The following SMARCB1 variants were observed in gnomAD, a reference collection of about 807,000 sequenced individuals.
SMARCB1 encodes SWI/SNF related BAF chromatin remodeling complex subunit B1.
SMARCB1 carries 5 observed loss-of-function variants against 49.0 expected under a neutral mutation model. That is an observed-to-expected ratio of 0.10 (90% CI 0.05 to 0.21). The LOEUF (loss-of-function observed/expected upper bound fraction) is 0.21, where lower values mean the gene tolerates loss of function less well. Among genes scored for constraint, SMARCB1 ranks in the 10% least tolerant of loss-of-function variants. The pLI is 1.00. For synonymous variants in SMARCB1, 201 were observed against 200.1 expected, an observed-to-expected ratio of 1.00 and a Z score of -0.04; for missense variants, 226 against 509.2, an observed-to-expected ratio of 0.44 and a Z score of 5.35.
intron 8 of SMARCB1, 88 bp downstream of exon 8, chr22:23,833,791 A>G (rs533265942): frequency 1.8e-5 from 27 of 1,482,408 alleles, no homozygotes; most frequent in East Asian, 4.5e-5. Context: ...CCAGTCTCCC[A>G]TGGTCTCTGA....
chr22:23,824,336 C>T (rs1024394121), intron 6 of SMARCB1: 3 of 152,310 alleles, frequency 2.0e-5, no homozygotes, highest in Admixed American at 6.5e-5. Flanking sequence ...GGCAGGTGCA[C>T]TGTGACCTGG....
chr22:23,812,296 A>C (rs569749012), intron 5 of SMARCB1, among the ~76,000 whole-genome samples: 2 of 152,270 alleles, frequency 1.3e-5, no homozygotes, highest in Non-Finnish European at 2.9e-5. Context: ...TCTCTAATTA[A>C]ATTTTAATAT....
intron 7 of SMARCB1, among the ~76,000 whole-genome samples, chr22:23,830,419 T>A (rs2030592207): frequency 6.6e-6 from 1 of 152,210 alleles, no homozygotes; most frequent in Non-Finnish European, 1.5e-5. Flanking sequence ...TTGCATGTAT[T>A]TCTGGCTGTT....
chr22:23,787,375 G>T (rs1440621494), intron 1 of SMARCB1, 113 bp downstream of exon 1: 13 of 507,084 alleles, frequency 2.6e-5, no homozygotes, highest in Non-Finnish European at 3.6e-5. Context: ...GGGCGCGCGC[G>T]CGCGCGCTCG....
intron 7 of SMARCB1, among the ~76,000 whole-genome samples, chr22:23,831,510 G>A (rs2030655624): frequency 1.3e-5 from 2 of 152,162 alleles, no homozygotes; most frequent in African/African-American, 4.8e-5. Flanking sequence ...AGCACTCTTT[G>A]GAACTCAGGA....
Position 23,836,089 on chromosome 22 carries a change from G to A in SMARCB1, c.*1909G>A, listed in dbSNP as rs904864288. On this transcript the variant is annotated 3_prime_UTR_variant, in exon 9 of 9. Transcript: ENST00000644036. Reference sequence around the variant, plus strand: ...CAGAAGAGAAAAATGAGCCACAGGGGTCGGATAAGGCTCACACACGTCCTC... The same window carrying A: ...CAGAAGAGAAAAATGAGCCACAGGGATCGGATAAGGCTCACACACGTCCTC... 1 of 985,342 alleles carries A rather than the reference G, an allele frequency of 1.0e-6. No homozygotes were observed. Among genetic ancestry groups the A allele is most frequent in the Non-Finnish European group, 1.2e-6 (1 of 829,972 alleles). 61.0% of individuals were successfully genotyped at this position (985,342 alleles called of 1,614,324 possible). A position where few individuals can be genotyped will look rare whatever the true frequency, so the allele number is the denominator to read the frequency against.
intron 5 of SMARCB1, among the ~76,000 whole-genome samples, chr22:23,805,654 C>T (rs938003883): frequency 1.1e-4 from 16 of 152,074 alleles, no homozygotes; most frequent in Non-Finnish European, 1.8e-4. Context: ...TACAGGCATG[C>T]GCCACCATGC....
At position 23,789,586 on chromosome 22, in the gene SMARCB1, A is replaced by G. The variant is rs184646568; in HGVS notation, c.94-2170A>G. 2.6e-5 allele frequency among the ~76,000 whole-genome samples: 4 copies of G among 152,300 alleles called. No individual in the cohort carries two copies. The East Asian group carries it at 7.7e-4, about 29-fold the overall frequency. On this transcript the variant is annotated intron_variant, in intron 1 of 8. Transcript: ENST00000644036. ...CTAGATGGTCTCCAAGATCTTCCCC[A>G]AAACACATTTTAGTTTCTAGAAAGC...
At chr22:23,801,252 T>G in intron 4 of SMARCB1, 171 bp downstream of exon 4, 1 of 938,496 alleles carries the variant, frequency 1.1e-6, no homozygotes, top group Non-Finnish European at 1.7e-6. Context: ...TCCAGGACAT[T>G]GTCCATAGCC....
chr22:23,787,379 G>T lies in SMARCB1; in HGVS notation c.93+117G>T, dbSNP rs572937904. On this transcript the variant is annotated intron_variant, in intron 1 of 8. Transcript: ENST00000644036. ...TCGGGGCGGGCGGGCGCGCGCGCGC[G>T]CGCTCGGGGCTGTGGGGCGTGGCCT... 109 of 498,172 alleles carry T rather than the reference G, an allele frequency of 2.2e-4. No homozygotes were observed. The East Asian group carries it at 3.8e-3, about 17-fold the overall frequency. 30.9% of individuals were successfully genotyped at this position (498,172 alleles called of 1,614,324 possible).
Position 23,835,342 on chromosome 22 carries a change from C to T in SMARCB1, c.*1162C>T. On this transcript the variant is annotated 3_prime_UTR_variant, in exon 9 of 9. Coordinates refer to ENST00000644036, the MANE Select transcript of SMARCB1 (RefSeq NM_003073.5). The stretch of plus-strand genomic sequence containing the variant: ...AATGGGCACAGATCCGGGCACAGAT[C>T]CCAGCACAGACTGCTGCCACCCTCA... 1.0e-6 allele frequency: 1 copy of T among 999,226 alleles called. No individual in the cohort carries two copies. The highest frequency in any genetic ancestry group is 1.2e-6 in the Non-Finnish European group (1 of 839,546). The allele number at this position is 999,226 out of a possible 1,614,324, so 61.9% of individuals were successfully genotyped here.
At chr22:23,787,452 T>G (rs987246794) in intron 1 of SMARCB1, among the ~76,000 whole-genome samples, 190 bp downstream of exon 1, 5 of 151,954 alleles carry the variant, frequency 3.3e-5, no homozygotes, top group African/African-American at 1.2e-4. Flanking sequence ...ACCTGGGATT[T>G]CCTTACTTAT....
intron 5 of SMARCB1, among the ~76,000 whole-genome samples, chr22:23,814,740 G>A (rs909304727): frequency 3.3e-5 from 5 of 151,732 alleles, no homozygotes; most frequent in Admixed American, 2.0e-4. Context: ...GGAGGCTGAG[G>A]TGGGCGGATC....
chr22:23,833,837 G>A, intron 8 of SMARCB1, 134 bp downstream of exon 8: 3 of 1,025,822 alleles, frequency 2.9e-6, no homozygotes, highest in Admixed American at 1.9e-5. Context: ...AGGCAGGCAG[G>A]CTTCTGGGTG....
chr22:23,803,892 TC>T (rs1929331897), intron 5 of SMARCB1: 2 of 243,606 alleles, frequency 8.2e-6, no homozygotes, highest in African/African-American at 4.4e-5. Context: ...TTCTGGCTCT[TC>T]CTGGGCTTCC....
Position 23,803,413 on chromosome 22 carries a change from A to G in SMARCB1, c.619A>G (p.Asn207Asp). Residue 207 changes from asparagine (N) to aspartate (D), a missense_variant, in exon 5 of 9, where the codon AAC becomes GAC. Transcript: ENST00000644036. The part of the protein sequence containing the change: ...GQKLRDAFTW[N>D]MNEKLMTPEM... ...GAAGCTGCGAGACGCCTTCACCTGG[A>G]ACATGAATGGTACAAGGCAGTCGGG... The G allele has an allele frequency of 6.2e-7, 1 of 1,614,146 alleles. No homozygotes were observed. Among genetic ancestry groups the G allele is most frequent in the Non-Finnish European group, 8.5e-7 (1 of 1,180,040 alleles).
chr22:23,797,861 C>T (rs950858561), intron 3 of SMARCB1, among the ~76,000 whole-genome samples: 5 of 151,968 alleles, frequency 3.3e-5, no homozygotes, highest in Middle Eastern at 6.8e-3. Context: ...TCAGGTGATC[C>T]GTCCGCCTCG....
chr22:23,808,492 G>A (rs190398435), intron 5 of SMARCB1, among the ~76,000 whole-genome samples: 98 of 145,512 alleles, frequency 6.7e-4, no homozygotes, highest in East Asian at 6.1e-3. Context: ...TCCTGACCTC[G>A]TGATCTGCCC....
At chr22:23,787,646 C>G (rs1928098713) in intron 1 of SMARCB1, among the ~76,000 whole-genome samples, 2 of 152,112 alleles carry the variant, frequency 1.3e-5, no homozygotes, top group African/African-American at 4.8e-5. Flanking sequence ...ATTTCACGTG[C>G]ACCCCTCCCC....
Sources: gnomAD v4.1 joint callset for allele counts (sites outside exome capture counted in the v4.1 genomes callset) on GRCh38, gnomAD v4.1.1 for gene constraint, MANE v1.5 for transcripts, NCBI Gene and HGNC (gene_info 2026-07-23, HGNC 2026-07-21) for gene names.